The following CARMIL1 variants were observed in gnomAD, a reference collection of about 807,000 sequenced individuals.
CARMIL1 encodes the protein capping protein regulator and myosin 1 linker 1.
In CARMIL1, 90 loss-of-function variants were observed where a neutral mutation model predicts 177.1. The observed-to-expected ratio is 0.51, with a 90% CI of 0.43 to 0.61. The LOEUF is 0.61. Among genes scored for constraint, CARMIL1 ranks in the 20% least tolerant of loss-of-function variants. The pLI is 0.00. For synonymous variants in CARMIL1, 577 were observed against 606.2 expected, an observed-to-expected ratio of 0.95 and a Z score of 0.71; for missense variants, 1,380 against 1,667.0, an observed-to-expected ratio of 0.83 and a Z score of 3.00.
chr6:25,549,504 G>A (rs971379664), intron 26 of CARMIL1, among the ~76,000 whole-genome samples: 1 of 152,152 alleles, frequency 6.6e-6, no homozygotes, highest in African/African-American at 2.4e-5. Context: ...TACTAATTCA[G>A]TGATTATTCA....
intron 1 of CARMIL1, among the ~76,000 whole-genome samples, chr6:25,280,138 G>T (rs1350361250): frequency 1.3e-5 from 2 of 152,194 alleles, no homozygotes; most frequent in African/African-American, 2.4e-5. Context: ...ATCCAGGTTG[G>T]CGAAAGAAGG....
At chr6:25,535,469 C>G (rs1472129201) in intron 24 of CARMIL1, among the ~76,000 whole-genome samples, 1 of 152,104 alleles carries the variant, frequency 6.6e-6, no homozygotes, top group Non-Finnish European at 1.5e-5. Context: ...GATTAAGACT[C>G]AAAACCTTAT....
chr6:25,336,038 A>G (rs1356863482), intron 2 of CARMIL1, among the ~76,000 whole-genome samples: 1 of 150,538 alleles, frequency 6.6e-6, no homozygotes, highest in Non-Finnish European at 1.5e-5. Flanking sequence ...TAGGCCCTAG[A>G]TTGTTTTGCA....
intron 26 of CARMIL1, among the ~76,000 whole-genome samples, chr6:25,548,625 CTCTTATCTT>C (rs1198503332): frequency 6.6e-6 from 1 of 152,140 alleles, no homozygotes; most frequent in African/African-American, 2.4e-5. Context: ...CTGCAGTCCT[CTCTTATCTT>C]TCTCCCAGCC....
intron 29 of CARMIL1, among the ~76,000 whole-genome samples, chr6:25,580,145 A>G (rs1314988561): frequency 6.6e-6 from 1 of 152,184 alleles, no homozygotes; most frequent in Non-Finnish European, 1.5e-5. Context: ...CATGAATGTT[A>G]GCCTTTGTCA....
intron 2 of CARMIL1, among the ~76,000 whole-genome samples, chr6:25,371,128 G>A (rs575659371): frequency 3.3e-5 from 5 of 152,334 alleles, no homozygotes; most frequent in Middle Eastern, 3.4e-3. Flanking sequence ...ATTCCATAGT[G>A]TATATAGACC....
chr6:25,330,785 C>T (rs2150277162), intron 2 of CARMIL1, among the ~76,000 whole-genome samples: 1 of 151,806 alleles, frequency 6.6e-6, no homozygotes, highest in South Asian at 2.1e-4. Context: ...GAAGTGCTGA[C>T]CTTTTGCCAT....
At chr6:25,420,747 A>C (rs933931860) in intron 3 of CARMIL1, among the ~76,000 whole-genome samples, 1 of 152,234 alleles carries the variant, frequency 6.6e-6, no homozygotes, top group Non-Finnish European at 1.5e-5. Context: ...CATTTTTCAT[A>C]AGATGTCCTT....
intron 12 of CARMIL1, among the ~76,000 whole-genome samples, chr6:25,483,688 A>AG (rs1357149541): frequency 2.6e-5 from 4 of 151,770 alleles, no homozygotes; most frequent in Non-Finnish European, 5.9e-5. Context: ...TCTCAAAAAA[A>AG]AAAAAAAAAA....
chr6:25,456,375 A>G (rs1799533653), intron 8 of CARMIL1, among the ~76,000 whole-genome samples: 1 of 152,358 alleles, frequency 6.6e-6, no homozygotes, highest in South Asian at 2.1e-4. Flanking sequence ...AGCATTCAGG[A>G]ATAAGGATGA....
At chr6:25,599,621 G>C (rs1355223013) in intron 32 of CARMIL1, among the ~76,000 whole-genome samples, 1 of 152,178 alleles carries the variant, frequency 6.6e-6, no homozygotes, top group Admixed American at 6.5e-5. Flanking sequence ...AGGTTTAGCT[G>C]CTTGCCCCTC....
intron 9 of CARMIL1, among the ~76,000 whole-genome samples, chr6:25,467,993 A>G (rs1800766967): frequency 6.6e-6 from 1 of 152,166 alleles, no homozygotes; most frequent in Non-Finnish European, 1.5e-5. Flanking sequence ...GGACAATGTG[A>G]AGAAGCACAT....
intron 20 of CARMIL1, among the ~76,000 whole-genome samples, chr6:25,514,632 A>AAAGTT (rs1805795207): frequency 6.6e-6 from 1 of 151,840 alleles, no homozygotes; most frequent in Admixed American, 6.6e-5. Context: ...CTTAACAGAT[A>AAAGTT]AAGTTAAGGC....
intron 15 of CARMIL1, among the ~76,000 whole-genome samples, chr6:25,493,140 G>GT (rs1803391423): frequency 6.6e-6 from 1 of 152,160 alleles, no homozygotes; most frequent in Admixed American, 6.5e-5. Flanking sequence ...GACTATAAAG[G>GT]TTTTTGTATA....
rs77050431 is a variant in CARMIL1 at position 25,543,718 on chromosome 6, A to C, written c.2328+3640A>C. On this transcript the variant is annotated intron_variant, in intron 26 of 36. Transcript: ENST00000329474. ...TTAGGTGGCATTTTGTCAACTATTA[A>C]CTCAGTTTGGCCAGAAGAGTTTTCT... Among the ~76,000 whole-genome samples, 1,426 of 152,158 alleles carry C rather than the reference A, an allele frequency of 9.4e-3. 11 individuals carry two copies. The highest frequency in any genetic ancestry group is 0.017 in the Middle Eastern group (5 of 294).
At chr6:25,490,698 AAAATAAATAAATAAATAAATAAATAAAT>A (rs199709831) in intron 13 of CARMIL1, among the ~76,000 whole-genome samples, 1 of 124,982 alleles carries the variant, frequency 8.0e-6, no homozygotes. Context: ...ACCCTGTCTT[AAAATAAATAAATAAATAAATAAATAAAT>A]AAATAAATAA....
At chr6:25,471,771 T>A (rs1430081713) in intron 10 of CARMIL1, among the ~76,000 whole-genome samples, 1 of 152,212 alleles carries the variant, frequency 6.6e-6, no homozygotes, top group Non-Finnish European at 1.5e-5. Context: ...TCAGTTTTAG[T>A]CATTTTTTCT....
chr6:25,372,165 A>G (rs979714330), intron 2 of CARMIL1, among the ~76,000 whole-genome samples: 6 of 152,194 alleles, frequency 3.9e-5, no homozygotes, highest in African/African-American at 1.2e-4. Flanking sequence ...ACCTTGTAGT[A>G]TAATTTGAAG....
At chr6:25,380,506 A>G (rs1052664690) in intron 2 of CARMIL1, among the ~76,000 whole-genome samples, 2 of 152,140 alleles carry the variant, frequency 1.3e-5, no homozygotes, top group African/African-American at 4.8e-5. Context: ...ATAGAAAGAG[A>G]TTTTGTTGGG....
Sources: allele counts gnomAD v4.1 joint callset (sites outside exome capture counted in the v4.1 genomes callset), GRCh38; gene constraint gnomAD v4.1.1; transcripts MANE v1.5; gene names NCBI Gene and HGNC (gene_info 2026-07-23, HGNC 2026-07-21).